KCTD8: variants seen among roughly 807,000 people sequenced by gnomAD.
KCTD8 encodes the protein potassium channel tetramerization domain containing 8, also known as BTB/POZ domain-containing protein KCTD8.
Under a neutral mutation model 31.5 loss-of-function variants are expected in KCTD8, and 27 were observed. The ratio of observed to expected loss-of-function variants is 0.86; its 90% CI spans 0.63 to 1.18. The LOEUF (loss-of-function observed/expected upper bound fraction) is 1.18. Among genes scored for constraint, KCTD8 ranks in the 50% most tolerant of loss-of-function variants. KCTD8 has a pLI of 0.00. For missense variants in KCTD8, 658 were observed against 647.7 expected, an observed-to-expected ratio of 1.02 and a Z score of -0.17; for synonymous variants, 290 against 280.0, an observed-to-expected ratio of 1.04 and a Z score of -0.36.
chr4:44,201,474 C>T (rs1172440194), intron 1 of KCTD8, among the ~76,000 whole-genome samples: 1 of 151,800 alleles, frequency 6.6e-6, no homozygotes, highest in Non-Finnish European at 1.5e-5. Flanking sequence ...ACCAATAGAA[C>T]AAAATAGAAA....
In KCTD8 at chr4:44,278,431, T is replaced by A. The variant is rs139244498; in HGVS notation, c.962-103181A>T. Among the ~76,000 whole-genome samples the A allele has an allele frequency of 5.7e-4, 87 of 152,138 alleles. No homozygotes were observed. The East Asian group carries it at 0.011, about 19-fold the overall frequency. On this transcript the variant is annotated intron_variant, in intron 1 of 1. Coordinates refer to ENST00000360029, the MANE Select transcript of KCTD8 (RefSeq NM_198353.3). ...GCTCTTAATAGGATAGCAATGCCTA[T>A]TAAAAGTTAGAATATTAATATAGTA...
chr4:44,228,917 T>G (rs1391943728), intron 1 of KCTD8, among the ~76,000 whole-genome samples: 1 of 152,210 alleles, frequency 6.6e-6, no homozygotes, highest in African/African-American at 2.4e-5. Context: ...CCTTTTTTTG[T>G]ATTTAAAATG....
chr4:44,189,022 T>C (rs748013043), intron 1 of KCTD8, among the ~76,000 whole-genome samples: 9 of 152,192 alleles, frequency 5.9e-5, no homozygotes, highest in Non-Finnish European at 1.0e-4. Flanking sequence ...TTGGTAGATA[T>C]TGAGTTATGT....
At chr4:44,226,079 C>T (rs1386555638) in intron 1 of KCTD8, among the ~76,000 whole-genome samples, 1 of 152,090 alleles carries the variant, frequency 6.6e-6, no homozygotes, top group Non-Finnish European at 1.5e-5. Flanking sequence ...CCGCCCACCT[C>T]GGCCTCCCAA....
At chr4:44,367,499 T>TAC (rs1719671678) in intron 1 of KCTD8, among the ~76,000 whole-genome samples, 1 of 152,182 alleles carries the variant, frequency 6.6e-6, no homozygotes, top group Admixed American at 6.5e-5. Context: ...ATTATATATA[T>TAC]ACAATCATGG....
At chr4:44,429,246 C>A (rs564841841) in intron 1 of KCTD8, among the ~76,000 whole-genome samples, 1 of 151,748 alleles carries the variant, frequency 6.6e-6, no homozygotes, top group African/African-American at 2.4e-5. Context: ...CATTGGTCCA[C>A]GCTTTTGTAC....
rs138935237 is a variant in KCTD8 at position 44,448,114 on chromosome 4, A to T, written c.410T>A (p.Phe137Tyr). Reference sequence around the variant, plus strand: ...CAGCTTGACCAAGTCGGTGAGCTGGAAATACTCGGCCTCGCGCAGCAGCCG... The same window carrying T: ...CAGCTTGACCAAGTCGGTGAGCTGGTAATACTCGGCCTCGCGCAGCAGCCG... ...KERLLREAEY[F>Y]QLTDLVKLLS... The change falls in exon 1 of 2, where the codon TTC becomes TAC. Residue 137 changes from phenylalanine to tyrosine, a missense_variant. Coordinates refer to ENST00000360029, the MANE Select transcript of KCTD8 (RefSeq NM_198353.3). The surrounding 1 kb of genome is among the most constrained non-coding windows in gnomAD (Gnocchi z 4.1). The T allele has an allele frequency of 3.0e-4, 479 of 1,612,454 alleles. 1 individual carries two copies. Among genetic ancestry groups the T allele is most frequent in the Non-Finnish European group, 3.9e-4 (460 of 1,179,816 alleles).
At chr4:44,324,633 T>C (rs746530799) in intron 1 of KCTD8, among the ~76,000 whole-genome samples, 21 of 152,052 alleles carry the variant, frequency 1.4e-4, no homozygotes, top group Non-Finnish European at 2.4e-4. Context: ...TCCTTCAATG[T>C]TTAATTTTTC....
intron 1 of KCTD8, among the ~76,000 whole-genome samples, chr4:44,304,511 A>C (rs1441463154): frequency 1.3e-5 from 2 of 152,162 alleles, no homozygotes; most frequent in Admixed American, 1.3e-4. Flanking sequence ...AGTTTCACAT[A>C]ACATCTAGTC....
chr4:44,338,861 G>A (rs1388966480), intron 1 of KCTD8, among the ~76,000 whole-genome samples: 1 of 152,040 alleles, frequency 6.6e-6, no homozygotes, highest in Admixed American at 6.6e-5. Context: ...AATAATCTGC[G>A]ATTTTAATAG....
chr4:44,233,144 T>A (rs1199369874), intron 1 of KCTD8, among the ~76,000 whole-genome samples: 1 of 152,132 alleles, frequency 6.6e-6, no homozygotes, highest in Non-Finnish European at 1.5e-5. Context: ...ATTCACATTA[T>A]GGAACACTAT....
chr4:44,208,571 T>C (rs1714386345), intron 1 of KCTD8, among the ~76,000 whole-genome samples: 2 of 152,184 alleles, frequency 1.3e-5, no homozygotes, highest in African/African-American at 4.8e-5. Flanking sequence ...TTTGGTATGC[T>C]CCAATAGTAC....
chr4:44,440,388 C>A (rs1019256142), intron 1 of KCTD8, among the ~76,000 whole-genome samples: 3 of 152,060 alleles, frequency 2.0e-5, no homozygotes, highest in African/African-American at 7.2e-5. Context: ...TATGTAACAA[C>A]TTCTCATGTC....
chr4:44,224,777 G>A (rs1427119692), intron 1 of KCTD8, among the ~76,000 whole-genome samples: 6 of 152,126 alleles, frequency 3.9e-5, no homozygotes, highest in African/African-American at 1.2e-4. Context: ...GATGTGGGGC[G>A]AGATAGTGAG....
At chr4:44,398,702 C>A (rs148876725) in intron 1 of KCTD8, among the ~76,000 whole-genome samples, 2 of 152,250 alleles carry the variant, frequency 1.3e-5, no homozygotes, top group African/African-American at 2.4e-5. Flanking sequence ...AGCAAAAGAG[C>A]AAGGCTGCTG....
intron 1 of KCTD8, among the ~76,000 whole-genome samples, chr4:44,352,665 G>C (rs1244163191): frequency 1.3e-5 from 2 of 150,898 alleles, no homozygotes; most frequent in African/African-American, 4.9e-5. Context: ...AGAAAAGAAA[G>C]TATTATATAA....
At chr4:44,392,699 G>A (rs1450009320) in intron 1 of KCTD8, among the ~76,000 whole-genome samples, 1 of 151,944 alleles carries the variant, frequency 6.6e-6, no homozygotes, top group Admixed American at 6.6e-5. Flanking sequence ...AAATAGCAAG[G>A]TGAGATAATC....
At chr4:44,440,883 A>T (rs1204974168) in intron 1 of KCTD8, among the ~76,000 whole-genome samples, 1 of 152,204 alleles carries the variant, frequency 6.6e-6, no homozygotes, top group Non-Finnish European at 1.5e-5. Flanking sequence ...TTAGCATTAC[A>T]TGACTATGAT....
At chr4:44,373,409 G>A (rs1201880750) in intron 1 of KCTD8, among the ~76,000 whole-genome samples, 1 of 151,564 alleles carries the variant, frequency 6.6e-6, no homozygotes, top group Admixed American at 6.6e-5. Context: ...GCTCCAGAGT[G>A]GGGCTGCCTG....
Sources: allele counts gnomAD v4.1 joint callset (sites outside exome capture counted in the v4.1 genomes callset), GRCh38; gene constraint gnomAD v4.1.1; non-coding constraint Gnocchi (gnomAD v3.1); transcripts MANE v1.5; gene names NCBI Gene and HGNC (gene_info 2026-07-23, HGNC 2026-07-21).